NAV3: variants seen among roughly 807,000 people sequenced by gnomAD.
NAV3 encodes neuron navigator 3, also known as pore membrane and/or filament interacting like protein 1.
NAV3 carries 87 observed loss-of-function variants against 244.7 expected under a neutral mutation model. That is an observed-to-expected ratio of 0.36 (90% CI 0.30 to 0.42). The LOEUF (loss-of-function observed/expected upper bound fraction) is 0.42, where lower values mean the gene tolerates loss of function less well. NAV3 is among the 20% of genes least tolerant of loss of function. The pLI is 1.00. For missense variants in NAV3, 2,663 were observed against 2,893.3 expected (o/e 0.92, Z 1.83); for synonymous variants, 1,126 against 1,042.2 (o/e 1.08, Z -1.55).
At chr12:77,708,058 T>C (rs1267270036) in intron 2 of NAV3, among the ~76,000 whole-genome samples, 1 of 152,240 alleles carries the variant, frequency 6.6e-6, no homozygotes, top group African/African-American at 2.4e-5. Flanking sequence ...AGCTCTTTAG[T>C]TTAATTAGAT....
At chr12:78,141,794 A>G (rs554825419) in intron 20 of NAV3, among the ~76,000 whole-genome samples, 1 of 152,314 alleles carries the variant, frequency 6.6e-6, no homozygotes, top group Non-Finnish European at 1.5e-5. Context: ...AAATATATTA[A>G]GACTTAGTGT....
intron 19 of NAV3, 144 bp downstream of exon 19, chr12:78,137,509 G>A (rs1253040016): frequency 1.0e-5 from 8 of 792,796 alleles, no homozygotes; most frequent in East Asian, 8.9e-5. Context: ...GCTTGAAGAA[G>A]TTTTATTCTG....
rs548215025 is a variant in NAV3 at position 77,794,022 on chromosome 12, G to C, written c.73-146297G>C. ...TTTTTTAATGATCACCTTTCCAACT[G>C]GCATGAGATGGATCTCATTGTGGTT... On this transcript the variant is annotated intron_variant, in intron 2 of 8. Transcript: ENST00000550042. Among the ~76,000 whole-genome samples, 4 of 152,214 alleles carry C rather than the reference G, an allele frequency of 2.6e-5. No individual in the cohort carries two copies. In the South Asian group the frequency reaches 8.3e-4, roughly 32 times the overall value.
chr12:77,985,865 C>T (rs1187107647), intron 5 of NAV3, among the ~76,000 whole-genome samples: 1 of 152,142 alleles, frequency 6.6e-6, no homozygotes, highest in African/African-American at 2.4e-5. Context: ...GATCTGTTTT[C>T]AGCCTTGTTA....
At chr12:77,749,864 T>C (rs995354745) in intron 2 of NAV3, among the ~76,000 whole-genome samples, 5 of 152,188 alleles carry the variant, frequency 3.3e-5, no homozygotes, top group Non-Finnish European at 5.9e-5. Context: ...CTAAAATATT[T>C]GATTTACCAA....
At chr12:77,658,574 C>G (rs2137024148) in intron 2 of NAV3, among the ~76,000 whole-genome samples, 1 of 151,980 alleles carries the variant, frequency 6.6e-6, no homozygotes, top group Middle Eastern at 3.4e-3. Flanking sequence ...CATCAAGCTA[C>G]CAATGACTTT....
chr12:77,953,569 CAAAT>C (rs765046162), intron 3 of NAV3, among the ~76,000 whole-genome samples: 3 of 152,104 alleles, frequency 2.0e-5, no homozygotes, highest in Non-Finnish European at 4.4e-5. Flanking sequence ...ACCAACTAAA[CAAAT>C]AAACAAAAAC....
chr12:78,004,872 T>A (rs1351545528), intron 7 of NAV3, among the ~76,000 whole-genome samples: 1 of 152,194 alleles, frequency 6.6e-6, no homozygotes, highest in Admixed American at 6.5e-5. Context: ...CAGCTGCTGT[T>A]ATGACTATTA....
intron 28 of NAV3, among the ~76,000 whole-genome samples, chr12:78,178,835 C>T (rs368362609): frequency 8.5e-5 from 13 of 152,200 alleles, no homozygotes; most frequent in Non-Finnish European, 1.3e-4. Context: ...AAATTTCCTG[C>T]GAAGCTGTCC....
intron 2 of NAV3, among the ~76,000 whole-genome samples, chr12:77,590,667 C>T (rs925834593): frequency 3.9e-5 from 6 of 152,110 alleles, no homozygotes; most frequent in Admixed American, 2.0e-4. Flanking sequence ...CTTAAAGACC[C>T]GCACACTTGT....
chr12:77,634,602 A>G lies in NAV3; in HGVS notation c.72+62336A>G, dbSNP rs543656335. Among the ~76,000 whole-genome samples, 11 of 152,308 alleles carry G rather than the reference A, an allele frequency of 7.2e-5. 1 individual carries two copies. The South Asian group carries it at 2.1e-3, about 29-fold the overall frequency. On this transcript the variant is annotated intron_variant, in intron 2 of 8. Transcript: ENST00000550042. ...GAACATTTATATTTTAATATGTAAA[A>G]CATGAAACTTCATAGTGTAAAATTT... is the stretch of plus-strand genomic sequence containing the variant.
chr12:77,610,429 GGGC>G (rs1555186114), intron 2 of NAV3, among the ~76,000 whole-genome samples: 2 of 152,092 alleles, frequency 1.3e-5, no homozygotes, highest in Middle Eastern at 6.8e-3. Flanking sequence ...GTTTGCTAAT[GGGC>G]AAATAAATAG....
chr12:77,602,798 C>T (rs539938254), intron 2 of NAV3, among the ~76,000 whole-genome samples: 59 of 152,096 alleles, frequency 3.9e-4, no homozygotes, highest in Non-Finnish European at 6.8e-4. Flanking sequence ...AAGACAACTT[C>T]CCAATTCCCC....
chr12:77,633,182 A>C (rs1471435748), intron 2 of NAV3, among the ~76,000 whole-genome samples: 6 of 152,034 alleles, frequency 3.9e-5, no homozygotes, highest in African/African-American at 1.4e-4. Flanking sequence ...TGTGTGTTCT[A>C]TTATCTCCAT....
At position 77,932,476 on chromosome 12, in the gene NAV3, C is replaced by A. The variant is rs536271278; in HGVS notation, c.244-7843C>A. ...CTCTGCTACATGTGTATCATTCTTT[C>A]ATCTGCCTTCCACACTCATATATTG... is the stretch of plus-strand genomic sequence containing the variant. On this transcript the variant is annotated intron_variant, in intron 1 of 39. Transcript: ENST00000397909. 2.0e-4 allele frequency among the ~76,000 whole-genome samples: 31 copies of A among 152,280 alleles called. No individual in the cohort carries two copies. The South Asian group carries it at 6.4e-3, about 32-fold the overall frequency.
chr12:78,022,142 T>G (rs1014106454), intron 9 of NAV3, among the ~76,000 whole-genome samples: 3 of 152,100 alleles, frequency 2.0e-5, no homozygotes, highest in Non-Finnish European at 4.4e-5. Context: ...GATAATACAT[T>G]TGGAGATTGA....
intron 2 of NAV3, among the ~76,000 whole-genome samples, chr12:77,818,620 T>C (rs1872612074): frequency 1.3e-5 from 2 of 152,042 alleles, no homozygotes; most frequent in African/African-American, 2.4e-5. Flanking sequence ...CTCATGTAAA[T>C]GTTAGGGAAG....
At chr12:77,681,678 T>C (rs1874475706) in intron 2 of NAV3, among the ~76,000 whole-genome samples, 1 of 152,324 alleles carries the variant, frequency 6.6e-6, no homozygotes, top group Admixed American at 6.5e-5. Context: ...TTTTCAGGTA[T>C]AATTTCCAAA....
intron 2 of NAV3, among the ~76,000 whole-genome samples, chr12:77,787,383 C>T (rs1197634002): frequency 3.9e-5 from 6 of 152,186 alleles, no homozygotes; most frequent in African/African-American, 9.6e-5. Context: ...AAGACATATC[C>T]GAAACTGGGT....
Sources: allele counts gnomAD v4.1 joint callset (sites outside exome capture counted in the v4.1 genomes callset), GRCh38; gene constraint gnomAD v4.1.1; transcripts MANE v1.5; gene names NCBI Gene and HGNC (gene_info 2026-07-23, HGNC 2026-07-21).